Variants in PIWIL2 observed in about 807,000 individuals in gnomAD.
PIWIL2 encodes the protein piwi-like protein 2.
PIWIL2 carries 81 observed loss-of-function variants against 116.5 expected under a neutral mutation model. That is an observed-to-expected ratio of 0.70 (90% CI 0.58 to 0.84). The LOEUF is 0.84. PIWIL2 is among the 40% of genes least tolerant of loss of function. The pLI is 0.00. For synonymous variants in PIWIL2, 489 were observed against 429.5 expected, an observed-to-expected ratio of 1.14 and a Z score of -1.71; for missense variants, 1,272 against 1,212.3, an observed-to-expected ratio of 1.05 and a Z score of -0.73.
At chr8:22,288,021 G>A (rs1411509554) in intron 7 of PIWIL2, among the ~76,000 whole-genome samples, 1 of 152,128 alleles carries the variant, frequency 6.6e-6, no homozygotes, top group Non-Finnish European at 1.5e-5. Flanking sequence ...AATGTAGGCC[G>A]GGTGCGGTGG....
intron 20 of PIWIL2, among the ~76,000 whole-genome samples, chr8:22,352,161 T>G (rs2132113922): frequency 6.6e-6 from 1 of 152,294 alleles, no homozygotes; most frequent in South Asian, 2.1e-4. Flanking sequence ...GCCAGGCTGG[T>G]CTTGAACTCC....
intron 7 of PIWIL2, among the ~76,000 whole-genome samples, chr8:22,288,126 G>A (rs1467077726): frequency 6.6e-6 from 1 of 152,026 alleles, no homozygotes; most frequent in Non-Finnish European, 1.5e-5. Context: ...GTGAAACCCT[G>A]TCTCTACTAA....
intron 16 of PIWIL2, among the ~76,000 whole-genome samples, chr8:22,312,002 G>C (rs891828428): frequency 1.3e-5 from 2 of 151,826 alleles, no homozygotes; most frequent in Non-Finnish European, 2.9e-5. Flanking sequence ...AGTGGCTCAC[G>C]CCTGGAATTC....
At chr8:22,345,232 A>T (rs1426550027) in intron 20 of PIWIL2, among the ~76,000 whole-genome samples, 1 of 152,248 alleles carries the variant, frequency 6.6e-6, no homozygotes, top group Non-Finnish European at 1.5e-5. Context: ...ACATGACCCA[A>T]GAATTCTAGT....
In PIWIL2 at chr8:22,318,225, G is replaced by A. The variant is rs1448271893; in HGVS notation, c.2353G>A (p.Val785Met). 9 of 1,613,696 alleles carry A rather than the reference G, an allele frequency of 5.6e-6. No homozygotes were observed. The highest frequency in any genetic ancestry group is 5.9e-6 in the Non-Finnish European group (7 of 1,179,738). Residue 785 changes from valine to methionine, a missense_variant, in exon 20 of 23, where the codon GTG (valine) becomes ATG (methionine). Coordinates refer to ENST00000356766, the MANE Select transcript of PIWIL2 (RefSeq NM_018068.5). ...VVFQMPHQEIVDSLKLCLVGS... is the reference protein window; with the variant it reads ...VVFQMPHQEIMDSLKLCLVGS... ...GTTCCAGATGCCGCATCAGGAGATT[G>A]TGGACAGCCTGAAGCTATGCCTCGT...
chr8:22,297,706 G>A (rs1160832296), intron 10 of PIWIL2, among the ~76,000 whole-genome samples: 1 of 152,138 alleles, frequency 6.6e-6, no homozygotes, highest in Admixed American at 6.5e-5. Flanking sequence ...TATAGTCTAG[G>A]AGAAGGATCG....
intron 4 of PIWIL2, among the ~76,000 whole-genome samples, chr8:22,282,482 G>A (rs1404624397): frequency 4.6e-5 from 7 of 151,638 alleles, no homozygotes; most frequent in Non-Finnish European, 8.8e-5. Flanking sequence ...GCCCCTGCAC[G>A]CAGCCGTGGT....
intron 20 of PIWIL2, among the ~76,000 whole-genome samples, chr8:22,334,395 G>A (rs1331793829): frequency 4.0e-5 from 6 of 151,096 alleles, no homozygotes; most frequent in Admixed American, 2.0e-4. Context: ...CATGGCGGGC[G>A]CCTATAGCCC....
intron 20 of PIWIL2, among the ~76,000 whole-genome samples, chr8:22,335,543 C>CTTTTTTTTTTTTTTTTTTTTTT (rs59166171): frequency 1.1e-5 from 1 of 92,220 alleles, no homozygotes; most frequent in Non-Finnish European, 2.2e-5. Context: ...ACAAAATAGA[C>CTTTTTTTTTTTTTTTTTTTTTT]TTTTTTTTTT....
chr8:22,286,557 G>A (rs141747240), intron 6 of PIWIL2, among the ~76,000 whole-genome samples: 13 of 152,282 alleles, frequency 8.5e-5, no homozygotes, highest in South Asian at 4.1e-4. Flanking sequence ...TAGGGAGGCC[G>A]AGGAGGGAGA....
intron 10 of PIWIL2, among the ~76,000 whole-genome samples, chr8:22,303,327 C>CT (rs71204553): frequency 8.5e-5 from 13 of 152,188 alleles, no homozygotes; most frequent in Non-Finnish European, 1.6e-4. Flanking sequence ...ACATGAGACT[C>CT]TATGTCCACA....
Position 22,347,778 on chromosome 8 carries a change from C to G in PIWIL2, c.2404-5181C>G, listed in dbSNP as rs972787008. 1.3e-5 allele frequency among the ~76,000 whole-genome samples: 2 copies of G among 151,798 alleles called. 1 individual carries two copies. Among genetic ancestry groups the G allele is most frequent in the South Asian group, 4.1e-4 (2 of 4,826 alleles). ...CTGACCTCAGGTGATCCGCCCACCTCGGCCTCCCAAAGTGCTGGGATTACA... is the reference window on the plus strand; with the variant it reads ...CTGACCTCAGGTGATCCGCCCACCTGGGCCTCCCAAAGTGCTGGGATTACA... On this transcript the variant is annotated intron_variant, in intron 20 of 22. Transcript: ENST00000356766.
Position 22,356,570 on chromosome 8 carries a change from C to G in PIWIL2, c.*1065C>G, listed in dbSNP as rs769130520. On this transcript the variant is annotated 3_prime_UTR_variant, in exon 23 of 23. Coordinates refer to ENST00000356766, the MANE Select transcript of PIWIL2 (RefSeq NM_018068.5). ...TTAACAGGCAGAAAAAATCTAGCAG[C>G]TAGGAAAGTTCAAGTTGGGGTGGGA... 3 of 152,158 alleles carry G rather than the reference C, an allele frequency of 2.0e-5. No homozygotes were observed. Among genetic ancestry groups the G allele is most frequent in the African/African-American group, 7.2e-5 (3 of 41,436 alleles). 9.4% of individuals were successfully genotyped at this position (152,158 alleles called of 1,614,324 possible).
At chr8:22,348,241 A>G (rs1832273754) in intron 20 of PIWIL2, among the ~76,000 whole-genome samples, 1 of 151,340 alleles carries the variant, frequency 6.6e-6, no homozygotes, top group Admixed American at 6.6e-5. Flanking sequence ...CGGAGGTTGC[A>G]GTGAGCCGAG....
At chr8:22,327,024 C>CTTTTTTTTTTTTTTTTTTTTT (rs71544876) in intron 20 of PIWIL2, among the ~76,000 whole-genome samples, 1 of 105,426 alleles carries the variant, frequency 9.5e-6, no homozygotes. Context: ...TGTTTTTTTA[C>CTTTTTTTTTTTTTTTTTTTTT]TTTTTTTTTT....
chr8:22,302,456 G>C (rs1255925846), intron 10 of PIWIL2, among the ~76,000 whole-genome samples: 1 of 152,126 alleles, frequency 6.6e-6, no homozygotes, highest in Non-Finnish European at 1.5e-5. Context: ...TGGGATTACA[G>C]GTGTGAGCTA....
intron 20 of PIWIL2, among the ~76,000 whole-genome samples, chr8:22,341,219 T>G (rs774603782): frequency 6.6e-5 from 10 of 151,592 alleles, no homozygotes; most frequent in Non-Finnish European, 5.9e-5. Context: ...ATGCAATCCA[T>G]CCATCAACAG....
At position 22,281,429 on chromosome 8, in the gene PIWIL2, G is replaced by C. The variant is rs1207635789; in HGVS notation, c.339G>C (p.Arg113Ser). 1.9e-6 allele frequency: 3 copies of C among 1,605,680 alleles called. No homozygotes were observed. The highest frequency in any genetic ancestry group is 2.5e-6 in the Non-Finnish European group (3 of 1,178,226). Residue 113 changes from arginine to serine, a missense_variant, in exon 4 of 23, where the codon AGG becomes AGC. Physicochemically the swap from Arg to Ser is moderately radical, Grantham distance 110. Transcript: ENST00000356766. The stretch of plus-strand genomic sequence containing the variant: ...CTGCTAATCTGGTACGCAAGGACAG[G>C]GAGGAACTCTCTCCCACTTTTTGGG... ...GLSANLVRKD[R>S]EELSPTFWDP...
intron 20 of PIWIL2, among the ~76,000 whole-genome samples, chr8:22,341,117 C>T (rs996020024): frequency 6.6e-6 from 1 of 152,054 alleles, no homozygotes; most frequent in African/African-American, 2.4e-5. Flanking sequence ...GTTCATGGTA[C>T]TTTGTTACAG....
Sources: gnomAD v4.1 joint callset for allele counts (sites outside exome capture counted in the v4.1 genomes callset) on GRCh38, gnomAD v4.1.1 for gene constraint, MANE v1.5 for transcripts, NCBI Gene and HGNC (gene_info 2026-07-23, HGNC 2026-07-21) for gene names.